Variants in TESK1 observed in about 807,000 individuals in gnomAD.
TESK1 encodes the protein dual specificity testis-specific protein kinase 1.
In TESK1, 18 loss-of-function variants were observed where a neutral mutation model predicts 59.9. That is an observed-to-expected ratio of 0.30 (90% CI 0.21 to 0.45). The LOEUF (loss-of-function observed/expected upper bound fraction) is 0.45, where lower values mean the gene tolerates loss of function less well. Among genes scored for constraint, TESK1 ranks in the 20% least tolerant of loss-of-function variants. The pLI, the probability that TESK1 is intolerant of heterozygous loss-of-function variation, is 1.00. For synonymous variants in TESK1, 341 were observed against 357.4 expected, an observed-to-expected ratio of 0.95 and a Z score of 0.52; for missense variants, 748 against 840.9, an observed-to-expected ratio of 0.89 and a Z score of 1.37.
chr9:35,608,335 G>A, intron 8 of TESK1, 60 bp from the exon 9 acceptor site: 1 of 1,608,522 alleles, frequency 6.2e-7, no homozygotes, highest in South Asian at 1.1e-5. Context: ...GTGATGGGAG[G>A]AAACTCAGAG....
rs1822946601 is a variant in TESK1 at position 35,609,937 on chromosome 9, T to G, written c.*195T>G. On this transcript the variant is annotated 3_prime_UTR_variant, in exon 10 of 10. Coordinates refer to ENST00000336395, the MANE Select transcript of TESK1 (RefSeq NM_006285.3). The surrounding 1 kb of genome is among the most constrained non-coding windows in gnomAD (Gnocchi z 6.7). Reference sequence around the variant, plus strand: ...CGGCTCGCGTTCCCGTGGGGATCACTGAACCAGACACAGCATTGCTGACAC... The same window carrying G: ...CGGCTCGCGTTCCCGTGGGGATCACGGAACCAGACACAGCATTGCTGACAC... 1.7e-6 allele frequency: 1 copy of G among 588,320 alleles called. No homozygotes were observed. The highest frequency in any genetic ancestry group is 2.9e-6 in the Non-Finnish European group (1 of 343,592). 36.4% of individuals were successfully genotyped at this position (588,320 alleles called of 1,614,324 possible).
At chr9:35,608,725 A>G in intron 9 of TESK1, 137 bp from the exon 10 acceptor site, 1 of 1,089,786 alleles carries the variant, frequency 9.2e-7, no homozygotes, top group African/African-American at 1.6e-5. Context: ...TGGAGATGAC[A>G]TCACCCCTTT....
Position 35,607,735 on chromosome 9 carries a change from C to G in TESK1, c.711+63C>G. On this transcript the variant is annotated intron_variant, in intron 6 of 9. Transcript: ENST00000336395. This position sits in a 1 kb window ranked among gnomAD's most constrained non-coding sequence, Gnocchi z 4.5. ...AGACCCTTGAGGTATTCTCATAAAG[C>G]CCCATCCATCCCCAAAACAACCCTA... 1 of 1,434,626 alleles carries G rather than the reference C, an allele frequency of 7.0e-7. No homozygotes were observed. Among genetic ancestry groups the G allele is most frequent in the East Asian group, 2.3e-5 (1 of 43,648 alleles). 88.9% of individuals were successfully genotyped at this position (1,434,626 alleles called of 1,614,324 possible). A position where few individuals can be genotyped will look rare whatever the true frequency, so the allele number is the denominator to read the frequency against.
chr9:35,608,334 G>A, intron 8 of TESK1, 61 bp from the exon 9 acceptor site: 1 of 1,608,406 alleles, frequency 6.2e-7, no homozygotes, highest in Non-Finnish European at 8.5e-7. Context: ...GGTGATGGGA[G>A]GAAACTCAGA....
In TESK1 at chr9:35,609,644, C is replaced by T. The variant is rs757378958; in HGVS notation, c.1783C>T (p.Arg595Cys). Residue 595 changes from arginine to cysteine, a missense_variant, in exon 10 of 10, where the codon CGC becomes TGC. By Grantham distance (180) the Arg-to-Cys change is radical (BLOSUM62 -3). This residue lies in a region of TESK1 where 447 missense variants were observed against 466.1 expected (regional missense o/e 0.96). Transcript: ENST00000336395. This position sits in a 1 kb window ranked among gnomAD's most constrained non-coding sequence, Gnocchi z 6.7. ...CCCCACACCAGCTGTTGCCCGCTAC[C>T]GCAACCTGAACTGTGAGGCGGGCAG... Reference protein sequence around the residue: ...PRPTPAVARYRNLNCEAGSLL... With the variant: ...PRPTPAVARYCNLNCEAGSLL... The T allele has an allele frequency of 3.1e-5, 50 of 1,608,190 alleles. No individual in the cohort carries two copies. Among genetic ancestry groups the T allele is most frequent in the Admixed American group, 8.3e-5 (5 of 60,006 alleles).
chr9:35,606,205 C>T, intron 2 of TESK1, 32 bp from the exon 3 acceptor site: 3 of 1,614,160 alleles, frequency 1.9e-6, no homozygotes, highest in Non-Finnish European at 2.5e-6. Flanking sequence ...CCTTTAATAG[C>T]CTATCCTTCT....
rs1822879331 is a variant in TESK1, at chr9:35,607,836, C to A, written c.712-92C>A. ...CTAACACATGAAAACTGTCAAGATC[C>A]CCCACCCTCAACCAAATTCTGCTAT... On this transcript the variant is annotated intron_variant, in intron 6 of 9. Transcript: ENST00000336395. The surrounding 1 kb of genome is among the most constrained non-coding windows in gnomAD (Gnocchi z 4.5). 6.9e-7 allele frequency: 1 copy of A among 1,446,314 alleles called. No individual in the cohort carries two copies. The highest frequency in any genetic ancestry group is 1.8e-5 in the Admixed American group (1 of 54,970). The allele number at this position is 1,446,314 out of a possible 1,614,324, so 89.6% of individuals were successfully genotyped here. A position where few individuals can be genotyped will look rare whatever the true frequency, so the allele number is the denominator to read the frequency against.
Position 35,605,818 on chromosome 9 carries a change from T to G in TESK1, c.199T>G (p.Phe67Val), listed in dbSNP as rs1822835130. The G allele has an allele frequency of 1.9e-6, 3 of 1,611,738 alleles. No individual in the cohort carries two copies. Among genetic ancestry groups the G allele is most frequent in the Non-Finnish European group, 2.5e-6 (3 of 1,179,462 alleles). Residue 67 changes from phenylalanine (F) to valine (V), a missense_variant, in exon 1 of 10, where the codon TTC (phenylalanine) becomes GTC (valine). Coordinates refer to ENST00000336395, the MANE Select transcript of TESK1 (RefSeq NM_006285.3). ...CTGCGCGGAGAAGATCGGGGCCGGC[T>G]TCTTCTCTGAGGTCTACAAGGTAGG... is the stretch of plus-strand genomic sequence containing the variant. The part of the protein sequence containing the change: ...FHCAEKIGAG[F>V]FSEVYKVRHR...
chr9:35,609,709 A>C lies in TESK1; in HGVS notation c.1848A>C (p.Thr616=), dbSNP rs771060906. 1 of 1,598,964 alleles carries C rather than the reference A, an allele frequency of 6.3e-7. No homozygotes were observed. The change falls in exon 10 of 10, where the codon ACA becomes ACC. Residue 616 remains threonine, a synonymous_variant. Transcript: ENST00000336395. The surrounding 1 kb of genome is among the most constrained non-coding windows in gnomAD (Gnocchi z 6.7). The stretch of plus-strand genomic sequence containing the variant: ...GAGGGCACCACGCCAAGCCACCCAC[A>C]CCCAGCCTGCAGCTGCCTGGGGCAC... ...CHRGHHAKPP[T]PSLQLPGARS is the part of the protein sequence containing the mutation.
Position 35,606,165 on chromosome 9 carries a change from G to A in TESK1, c.341+60G>A, listed in dbSNP as rs370410850. On this transcript the variant is annotated intron_variant, in intron 2 of 9. Transcript: ENST00000336395. The stretch of plus-strand genomic sequence containing the variant: ...CGGGAGAGAAAGGGAAAGATCCCGC[G>A]GGAAAAGTGGAACTGAGGAGGAGCT... The A allele has an allele frequency of 2.0e-3, 3,220 of 1,614,080 alleles. 3 individuals carry two copies. The highest frequency in any genetic ancestry group is 2.5e-3 in the Non-Finnish European group (2,984 of 1,179,940).
Position 35,605,685 on chromosome 9 carries a change from G to A in TESK1, c.66G>A (p.Gly22=). 1.4e-6 allele frequency: 2 copies of A among 1,443,564 alleles called. No homozygotes were observed. 89.4% of individuals were successfully genotyped at this position (1,443,564 alleles called of 1,614,324 possible). ...GPGPGEVPGE[G]PPGPGGTGGG... is the part of the protein sequence containing the mutation. ...GGCCTGGAGAGGTGCCGGGGGAGGG[G>A]CCCCCGGGGCCGGGGGGCACGGGCG... The change falls in exon 1 of 10, where the codon GGG becomes GGA. Residue 22 remains glycine (G), a synonymous_variant. Coordinates refer to ENST00000336395, the MANE Select transcript of TESK1 (RefSeq NM_006285.3).
At chr9:35,606,349 A>T (rs1822848935) in intron 3 of TESK1, 64 bp downstream of exon 3, 1 of 1,587,848 alleles carries the variant, frequency 6.3e-7, no homozygotes, top group African/African-American at 1.3e-5. Flanking sequence ...AAGGGAGTCA[A>T]CAGGCCTGGT....
chr9:35,606,281 C>A lies in TESK1; in HGVS notation c.386C>A (p.Thr129Lys). 1 of 1,614,000 alleles carries A rather than the reference C, an allele frequency of 6.2e-7. No homozygotes were observed. Residue 129 changes from threonine to lysine, a missense_variant, in exon 3 of 10, where the codon ACA becomes AAA. By Grantham distance (78) the Thr-to-Lys change is moderately conservative. Coordinates refer to ENST00000336395, the MANE Select transcript of TESK1 (RefSeq NM_006285.3). The part of the protein sequence containing the change: ...CVHQGQLHAL[T>K]EYMNGGTLEQ... The stretch of plus-strand genomic sequence containing the variant: ...CACCAGGGACAGCTGCACGCTCTTA[C>A]AGAGGTGAGGATAGGCCAGGAAGGA...
At position 35,607,887 on chromosome 9, in the gene TESK1, A is replaced by G. The variant is rs754753305; in HGVS notation, c.712-41A>G. 3.1e-6 allele frequency: 5 copies of G among 1,602,996 alleles called. No homozygotes were observed. Among genetic ancestry groups the G allele is most frequent in the Non-Finnish European group, 4.3e-6 (5 of 1,173,026 alleles). The stretch of plus-strand genomic sequence containing the variant: ...ATTCTGTCAAAATTCTGAAATGAAA[A>G]CTGTTAATTCTTCCCCGACACTATT... On this transcript the variant is annotated intron_variant, in intron 6 of 9. Coordinates refer to ENST00000336395, the MANE Select transcript of TESK1 (RefSeq NM_006285.3). This position sits in a 1 kb window ranked among gnomAD's most constrained non-coding sequence, Gnocchi z 4.5.
chr9:35,606,342 G>A, intron 3 of TESK1, 57 bp downstream of exon 3: 1 of 1,597,384 alleles, frequency 6.3e-7, no homozygotes, highest in Non-Finnish European at 8.6e-7. Flanking sequence ...AAGGATAAAG[G>A]GAGTCAACAG....
In TESK1 at chr9:35,605,845, C is replaced by T. The variant is rs762375102; in HGVS notation, c.219+7C>T. 1.2e-6 allele frequency: 2 copies of T among 1,609,900 alleles called. No individual in the cohort carries two copies. Among genetic ancestry groups the T allele is most frequent in the Admixed American group, 3.4e-5 (2 of 59,502 alleles). On this transcript the variant is annotated splice_region_variant and intron_variant, in intron 1 of 9. Transcript: ENST00000336395. ...CTTCTCTGAGGTCTACAAGGTAGGACCGGCCGAGAGGGCAGAGGGGCGGGA... is the reference window on the plus strand; with the variant it reads ...CTTCTCTGAGGTCTACAAGGTAGGATCGGCCGAGAGGGCAGAGGGGCGGGA...
intron 2 of TESK1, 35 bp downstream of exon 2, chr9:35,606,140 C>T (rs1320957546): frequency 1.1e-5 from 18 of 1,613,862 alleles, no homozygotes; most frequent in Admixed American, 1.7e-5. Flanking sequence ...GCTTGCTGGG[C>T]GGGAGAGAAA....
chr9:35,605,573 C>T lies in TESK1; in HGVS notation c.-47C>T, dbSNP rs1214607392. 16 of 621,248 alleles carry T rather than the reference C, an allele frequency of 2.6e-5. No individual in the cohort carries two copies. Among genetic ancestry groups the T allele is most frequent in the African/African-American group, 2.0e-5 (1 of 51,150 alleles). 38.5% of individuals were successfully genotyped at this position (621,248 alleles called of 1,614,324 possible). A position where few individuals can be genotyped will look rare whatever the true frequency, so the allele number is the denominator to read the frequency against. On this transcript the variant is annotated 5_prime_UTR_variant, in exon 1 of 10. Transcript: ENST00000336395. Reference sequence around the variant, plus strand: ...CATGGCAAGCGCGGCCTGCCCGGGCCCTGGGGACCCTGCCATGTGAGGCAG... The same window carrying T: ...CATGGCAAGCGCGGCCTGCCCGGGCTCTGGGGACCCTGCCATGTGAGGCAG...
At position 35,609,204 on chromosome 9, in the gene TESK1, T is replaced by C. The variant is rs1417583073; in HGVS notation, c.1343T>C (p.Met448Thr). 2.5e-6 allele frequency: 4 copies of C among 1,613,878 alleles called. No homozygotes were observed. The highest frequency in any genetic ancestry group is 1.1e-5 in the South Asian group (1 of 91,088). The change falls in exon 10 of 10, where the codon ATG (methionine) becomes ACG (threonine). Residue 448 changes from methionine to threonine, a missense_variant. Transcript: ENST00000336395. The surrounding 1 kb of genome is among the most constrained non-coding windows in gnomAD (Gnocchi z 6.7). ...LPSSPELPRR[M>T]ETALPGPGPP... ...TCATCCCCCGAGCTCCCCCGCCGTA[T>C]GGAGACAGCACTGCCAGGTCCTGGC...
Sources: allele counts gnomAD v4.1 joint callset, GRCh38; gene constraint gnomAD v4.1.1; regional missense constraint gnomAD v4.1.1; non-coding constraint Gnocchi (gnomAD v3.1); transcripts MANE v1.5; gene names NCBI Gene and HGNC (gene_info 2026-07-23, HGNC 2026-07-21).